Variants in PCDHA5 observed in about 807,000 individuals in gnomAD.
The protein encoded by PCDHA5 is protocadherin alpha-5.
Under a neutral mutation model 61.6 loss-of-function variants are expected in PCDHA5, and 43 were observed. That is an observed-to-expected ratio of 0.70 (90% confidence interval 0.55 to 0.90). The LOEUF (loss-of-function observed/expected upper bound fraction) is 0.90. PCDHA5 is among the 40% of genes least tolerant of loss of function. The pLI is 0.00. For synonymous variants in PCDHA5, 627 were observed against 543.9 expected (o/e 1.15, Z -2.13); for missense variants, 1,298 against 1,222.7 (o/e 1.06, Z -0.92).
At chr5:140,838,077 AGTGTGTGTGTGTGTGTGTGTGT>A (rs57130401) in intron 1 of PCDHA5, among the ~76,000 whole-genome samples, 4 of 80,664 alleles carry the variant, frequency 5.0e-5, no homozygotes, top group Admixed American at 1.2e-4. Flanking sequence ...ATATATATAT[AGTGTGTGTGTGTGTGTGTGTGT>A]GTGTGTGTGT....
intron 1 of PCDHA5, among the ~76,000 whole-genome samples, chr5:140,879,635 G>A (rs190054745): frequency 3.8e-4 from 58 of 152,286 alleles, no homozygotes; most frequent in African/African-American, 1.2e-3. Context: ...TAAGTGTGTC[G>A]CTTCCTGTGG....
At chr5:140,966,416 A>T in intron 1 of PCDHA5, 1 of 419,730 alleles carries the variant, frequency 2.4e-6, no homozygotes, top group Non-Finnish European at 4.1e-6. Context: ...TCAGAGCAGG[A>T]CTTGCTGAGC....
Position 140,843,508 on chromosome 5 carries a change from G to A in PCDHA5, c.2352+19381G>A, listed in dbSNP as rs2150361368. On this transcript the variant is annotated intron_variant, in intron 1 of 3. Transcript: ENST00000529859. ...TGCGGTGCTCAGCACTGCCCACTGA[G>A]GGCGGGTGCCGGGCGGGCAAGCCCA... 2.5e-6 allele frequency: 4 copies of A among 1,596,038 alleles called. No individual in the cohort carries two copies. The Admixed American group carries it at 6.7e-5, about 27-fold the overall frequency.
At chr5:140,888,222 G>T (rs956304839) in intron 1 of PCDHA5, among the ~76,000 whole-genome samples, 1 of 152,168 alleles carries the variant, frequency 6.6e-6, no homozygotes, top group African/African-American at 2.4e-5. Flanking sequence ...GTGTGTGTGT[G>T]CATGTGTGTG....
chr5:140,915,684 G>T (rs576904848), intron 1 of PCDHA5, among the ~76,000 whole-genome samples: 5 of 151,572 alleles, frequency 3.3e-5, no homozygotes, highest in South Asian at 4.2e-4. Context: ...TGAACTAGGG[G>T]TATGGTGATG....
chr5:140,843,094 A>G (rs1268827365), intron 1 of PCDHA5: 2 of 1,595,564 alleles, frequency 1.3e-6, no homozygotes, highest in South Asian at 2.2e-5. Flanking sequence ...GCCACGTGGT[A>G]GCGAAGGTGC....
chr5:140,907,863 C>T (rs763021038), intron 1 of PCDHA5, among the ~76,000 whole-genome samples: 4 of 152,208 alleles, frequency 2.6e-5, no homozygotes, highest in African/African-American at 7.2e-5. Context: ...TGAGGCCAGC[C>T]GTTGGTGAGC....
At chr5:140,945,164 T>C (rs246060) in intron 1 of PCDHA5, among the ~76,000 whole-genome samples, 85,686 of 151,808 alleles carry the variant, frequency 0.56, 24,785 homozygotes, top group African/African-American at 0.69. Flanking sequence ...TATTGAACTA[T>C]CTGAAAAATA....
chr5:140,983,719 A>C (rs1417350764), intron 3 of PCDHA5, among the ~76,000 whole-genome samples: 1 of 152,256 alleles, frequency 6.6e-6, no homozygotes, highest in African/African-American at 2.4e-5. Context: ...TAGCACTTAT[A>C]TTCATAACAT....
chr5:140,883,377 C>T lies in PCDHA5; in HGVS notation c.2352+59250C>T, dbSNP rs1436655611. On this transcript the variant is annotated intron_variant, in intron 1 of 3. Coordinates refer to ENST00000529859, the MANE Select transcript of PCDHA5 (RefSeq NM_018908.3). ...GACACTCAGCCTAGCGCCATTATTG[C>T]CCTAATCAGTGTGTCCGATCGTGAC... The T allele has an allele frequency of 1.5e-5, 25 of 1,614,054 alleles. No individual in the cohort carries two copies. Among genetic ancestry groups the T allele is most frequent in the Non-Finnish European group, 2.0e-5 (24 of 1,180,036 alleles).
At chr5:140,884,368 G>T (rs2060127258) in intron 1 of PCDHA5, 1 of 1,613,864 alleles carries the variant, frequency 6.2e-7, no homozygotes, top group Non-Finnish European at 8.5e-7. Context: ...ATGTTTACTT[G>T]ATCATTGCCA....
intron 3 of PCDHA5, among the ~76,000 whole-genome samples, chr5:140,991,929 C>T (rs1250639930): frequency 1.3e-5 from 2 of 152,088 alleles, no homozygotes; most frequent in South Asian, 2.1e-4. Flanking sequence ...ATAACATATT[C>T]ACAAGTTCTA....
chr5:141,000,395 C>CTCTATAAA (rs1213762225), intron 3 of PCDHA5, among the ~76,000 whole-genome samples: 2 of 53,986 alleles, frequency 3.7e-5, no homozygotes, highest in African/African-American at 1.5e-4. Context: ...CTCTCTCTCT[C>CTCTATAAA]TATATATATA....
In PCDHA5 at chr5:140,850,187, G is replaced by A. The variant is rs2150472147; in HGVS notation, c.2352+26060G>A. ...TGGACGAGAACGACAATGCGCCGGC[G>A]CTGCTGACACCTCGGATGAGGGGCA... On this transcript the variant is annotated intron_variant, in intron 1 of 3. Coordinates refer to ENST00000529859, the MANE Select transcript of PCDHA5 (RefSeq NM_018908.3). 27 of 1,593,150 alleles carry A rather than the reference G, an allele frequency of 1.7e-5. 2 individuals are homozygous for A. In the Admixed American group the frequency reaches 3.4e-4, roughly 20 times the overall value.
At chr5:140,828,582 C>G (rs1554131414) in intron 1 of PCDHA5, 3 of 1,614,224 alleles carry the variant, frequency 1.9e-6, no homozygotes, top group Middle Eastern at 3.3e-4. Flanking sequence ...GATGTTGGCT[C>G]AAATTCCATC....
Position 140,821,974 on chromosome 5 carries a change from T to C in PCDHA5, c.199T>C (p.Ser67Pro). Reference sequence around the variant, plus strand: ...GGTGCCGCGCCTGTTCCGGGTGGCGTCCAAGGGCCGCGGGGACCTTCTGGA... The same window carrying C: ...GGTGCCGCGCCTGTTCCGGGTGGCGCCCAAGGGCCGCGGGGACCTTCTGGA... ...ELVPRLFRVA[S>P]KGRGDLLEVN... The change falls in exon 1 of 4, where the codon TCC becomes CCC. Residue 67 changes from serine to proline, a missense_variant. Transcript: ENST00000529859. 6.2e-7 allele frequency: 1 copy of C among 1,614,126 alleles called. No individual in the cohort carries two copies. Among genetic ancestry groups the C allele is most frequent in the Non-Finnish European group, 8.5e-7 (1 of 1,180,040 alleles).
Position 140,822,845 on chromosome 5 carries a change from C to G in PCDHA5, c.1070C>G (p.Pro357Arg). The change falls in exon 1 of 4, where the codon CCT becomes CGT. Residue 357 changes from proline (P) to arginine (R), a missense_variant. Coordinates refer to ENST00000529859, the MANE Select transcript of PCDHA5 (RefSeq NM_018908.3). ...PEMAITTLFL[P>R]VKEDAPLSTV... ...ATGGCCATAACCACCCTTTTCCTGC[C>G]TGTCAAAGAGGACGCTCCACTCAGC... 1 of 1,614,190 alleles carries G rather than the reference C, an allele frequency of 6.2e-7. No homozygotes were observed. The highest frequency in any genetic ancestry group is 8.5e-7 in the Non-Finnish European group (1 of 1,180,040).
intron 1 of PCDHA5, chr5:140,824,437 G>T: frequency 2.1e-6 from 1 of 479,118 alleles, no homozygotes. Flanking sequence ...CAAAGTTTCA[G>T]TTTATGACTA....
intron 1 of PCDHA5, among the ~76,000 whole-genome samples, chr5:140,948,620 T>TTAA (rs1422284059): frequency 6.6e-6 from 1 of 151,716 alleles, no homozygotes; most frequent in African/African-American, 2.4e-5. Context: ...CACAAAGTTG[T>TTAA]TAATAATATT....
Sources: allele counts gnomAD v4.1 joint callset (sites outside exome capture counted in the v4.1 genomes callset), GRCh38; gene constraint gnomAD v4.1.1; transcripts MANE v1.5; gene names NCBI Gene and HGNC (gene_info 2026-07-23, HGNC 2026-07-21).